The following OR4Q3 variants were observed in gnomAD, a reference collection of about 807,000 sequenced individuals.
OR4Q3 encodes the protein olfactory receptor family 4 subfamily Q member 3.
A neutral mutation model predicts 18.8 loss-of-function variants in OR4Q3; 17 were observed. That is an observed-to-expected ratio of 0.91 (90% CI 0.62 to 1.36). OR4Q3 has a LOEUF of 1.36. Ranked by LOEUF, OR4Q3 falls within the 40% of genes most tolerant of loss-of-function variation. The pLI is 0.00. For missense variants in OR4Q3, 378 were observed against 373.4 expected, an observed-to-expected ratio of 1.01 and a Z score of -0.10; for synonymous variants, 158 against 145.8, an observed-to-expected ratio of 1.08 and a Z score of -0.60.
chr14:19,750,705 A>T, downstream of OR4Q3, among the ~76,000 whole-genome samples: 3 of 152,350 alleles, frequency 2.0e-5, no homozygotes, highest in South Asian at 2.1e-4. Flanking sequence ...GAAGCCATAT[A>T]TATGTATGTG....
In OR4Q3 at chr14:19,745,279, G is replaced by A; in HGVS notation, c.2+1608G>A. ...GGCAATAAACTCAGGCTTATAAATA[G>A]TTTGTAGTAATTTGGGTTAAAATAT... On this transcript the variant is annotated intron_variant, in intron 1 of 1. Transcript: ENST00000642117. 7.6e-4 allele frequency among the ~76,000 whole-genome samples: 115 copies of A among 152,274 alleles called. 1 individual carries two copies. The East Asian group carries it at 0.016, about 21-fold the overall frequency.
chr14:19,743,693 A>T (rs1291608240), intron 1 of OR4Q3, 22 bp downstream of exon 1: 5 of 152,360 alleles, frequency 3.3e-5, no homozygotes, highest in East Asian at 1.9e-4. Context: ...AGATATGTTT[A>T]TTCAAAACTC....
exon 2 of OR4Q3, chr14:19,748,177 G>T: frequency 6.2e-7 from 1 of 1,614,090 alleles, no homozygotes; most frequent in Non-Finnish European, 8.5e-7. Flanking sequence ...TGGTCAGCCT[G>T]ATCTTCGTGC....
chr14:19,746,658 A>G, intron 1 of OR4Q3, among the ~76,000 whole-genome samples: 1 of 152,206 alleles, frequency 6.6e-6, no homozygotes, highest in Non-Finnish European at 1.5e-5. Flanking sequence ...TCATTTTTAC[A>G]AACTTCCTAA....
rs1301258026 is a variant in OR4Q3 at position 19,743,635 on chromosome 14, C to T, written c.-35C>T. On this transcript the variant is annotated 5_prime_UTR_variant, in exon 1 of 2. Transcript: ENST00000642117. ...GGATGAATGGCAGGATAAAATCTTC[C>T]TTCCTTGAAACCACATAGCTTCTGA... is the stretch of plus-strand genomic sequence containing the variant. The T allele has an allele frequency of 3.3e-5, 5 of 152,340 alleles. No individual in the cohort carries two copies. In the East Asian group the frequency reaches 9.6e-4, roughly 29 times the overall value. The allele number at this position is 152,340 out of a possible 1,614,324, so 9.4% of individuals were successfully genotyped here.
chr14:19,744,060 TA>T (rs34543544), intron 1 of OR4Q3, among the ~76,000 whole-genome samples: 19,190 of 149,344 alleles, frequency 0.13, 558 homozygotes, highest in South Asian at 0.23. Context: ...TTCTTTTTAC[TA>T]AAATCCTCTT....
chr14:19,744,505 G>A (rs1238261621), intron 1 of OR4Q3, among the ~76,000 whole-genome samples: 1 of 152,142 alleles, frequency 6.6e-6, no homozygotes, highest in African/African-American at 2.4e-5. Context: ...AGAGAGACCA[G>A]CTGCTTAGCT....
downstream of OR4Q3, among the ~76,000 whole-genome samples, chr14:19,749,869 T>C: frequency 7.0e-5 from 2 of 28,614 alleles, no homozygotes; most frequent in Admixed American, 7.7e-4. Flanking sequence ...TTTCTTTCTT[T>C]CTTTCTTTCT....
intron 1 of OR4Q3, 143 bp from the exon 2 acceptor site, chr14:19,747,263 T>C: frequency 2.4e-6 from 1 of 417,740 alleles, no homozygotes; most frequent in South Asian, 1.2e-4. Flanking sequence ...ATTCTATCAA[T>C]ATAAGAGTGT....
At chr14:19,746,111 G>A in intron 1 of OR4Q3, among the ~76,000 whole-genome samples, 1 of 151,902 alleles carries the variant, frequency 6.6e-6, no homozygotes, top group South Asian at 2.1e-4. Flanking sequence ...CTGATATCTA[G>A]TATGAAGGAT....
exon 2 of OR4Q3, chr14:19,748,578 C>G: frequency 1.9e-6 from 1 of 523,446 alleles, no homozygotes; most frequent in Non-Finnish European, 3.3e-6. Flanking sequence ...ATCAAGAGAA[C>G]TCAGGAACTC....
chr14:19,749,739 TTC>T, downstream of OR4Q3, among the ~76,000 whole-genome samples: 600 of 150,504 alleles, frequency 4.0e-3, 2 homozygotes, highest in African/African-American at 0.01. Flanking sequence ...TTTTCTTTCT[TTC>T]TCTCTCTCTT....
At chr14:19,747,853 C>T in exon 2 of OR4Q3, 51 of 1,613,880 alleles carry the variant, frequency 3.2e-5, no homozygotes, top group Non-Finnish European at 4.2e-5. Flanking sequence ...CCCAGCTATG[C>T]CTTTGGTTGG....
chr14:19,751,772 C>CTTT, downstream of OR4Q3, among the ~76,000 whole-genome samples: 7 of 150,628 alleles, frequency 4.6e-5, no homozygotes, highest in East Asian at 3.9e-4. Flanking sequence ...TCATTTGGAT[C>CTTT]TTTTTTTTTA....
exon 2 of OR4Q3, chr14:19,748,404 T>C: frequency 1.4e-6 from 2 of 1,479,742 alleles, no homozygotes; most frequent in Non-Finnish European, 1.8e-6. Context: ...AAAAACACAC[T>C]CTTTCTTGGA....
chr14:19,751,974 C>T, downstream of OR4Q3, among the ~76,000 whole-genome samples: 1 of 152,162 alleles, frequency 6.6e-6, no homozygotes, highest in African/African-American at 2.4e-5. Context: ...GTGCAAAGTG[C>T]AGGAAGATGA....
chr14:19,748,294 A>C, exon 2 of OR4Q3: 4 of 1,613,876 alleles, frequency 2.5e-6, no homozygotes. Flanking sequence ...TCATCTACAC[A>C]CTCAGAAATA....
exon 2 of OR4Q3, chr14:19,748,460 C>G: frequency 6.4e-6 from 6 of 941,110 alleles, no homozygotes; most frequent in Non-Finnish European, 7.9e-6. Context: ...ACTTTGATGA[C>G]GTTGGTATAA....
At chr14:19,748,460 CG>C in exon 2 of OR4Q3, 1 of 940,954 alleles carries the variant, frequency 1.1e-6, no homozygotes. Flanking sequence ...ACTTTGATGA[CG>C]TTGGTATAAA....
Sources: gnomAD v4.1 joint callset for allele counts (sites outside exome capture counted in the v4.1 genomes callset) on GRCh38, gnomAD v4.1.1 for gene constraint, MANE v1.5 for transcripts, NCBI Gene and HGNC (gene_info 2026-07-23, HGNC 2026-07-21) for gene names.